Variants in CATSPERD observed in about 807,000 individuals in gnomAD.
The protein encoded by CATSPERD is cation channel sperm-associated auxiliary subunit delta.
CATSPERD carries 86 observed loss-of-function variants against 98.1 expected under a neutral mutation model. The observed-to-expected ratio is 0.88, with a 90% CI of 0.74 to 1.05. CATSPERD has a LOEUF of 1.05. Ranked by LOEUF, CATSPERD falls within the 50% of genes least tolerant of loss-of-function variation. The pLI is 0.00. For synonymous variants in CATSPERD, 394 were observed against 390.2 expected (o/e 1.01, Z -0.12); for missense variants, 995 against 1,005.7 (o/e 0.99, Z 0.14).
At chr19:5,776,355 G>A in intron 21 of CATSPERD, 40 bp downstream of exon 21, 1 of 1,604,978 alleles carries the variant, frequency 6.2e-7, no homozygotes, top group Non-Finnish European at 8.5e-7. Context: ...GGGACGCCTG[G>A]TGCCCCTGGG....
rs1599537537 is a variant in CATSPERD at position 5,742,191 on chromosome 19, T to G, written c.574-2236T>G. Among the ~76,000 whole-genome samples the G allele has an allele frequency of 2.7e-5, 4 of 149,382 alleles. No homozygotes were observed. The South Asian group carries it at 8.5e-4, about 32-fold the overall frequency. On this transcript the variant is annotated intron_variant, in intron 7 of 21. Coordinates refer to ENST00000381624, the MANE Select transcript of CATSPERD (RefSeq NM_152784.4). ...GCGTGTGTGTATGTATGTGAACGTG[T>G]GTGCGTGTACATGTGTGCATGTGTG...
At chr19:5,760,472 T>A (rs62107436) in intron 15 of CATSPERD, among the ~76,000 whole-genome samples, 17,133 of 150,152 alleles carry the variant, frequency 0.11, 1,010 homozygotes, top group East Asian at 0.17. Flanking sequence ...GACAACATGC[T>A]CAGTGCAATA....
chr19:5,727,634 T>C (rs2055630040), intron 3 of CATSPERD, among the ~76,000 whole-genome samples: 1 of 151,708 alleles, frequency 6.6e-6, no homozygotes, highest in South Asian at 2.1e-4. Flanking sequence ...CACTGGGGAG[T>C]TGATGACAAA....
At chr19:5,734,768 C>T (rs1321969216) in intron 5 of CATSPERD, among the ~76,000 whole-genome samples, 1 of 151,506 alleles carries the variant, frequency 6.6e-6, no homozygotes, top group Non-Finnish European at 1.5e-5. Flanking sequence ...GGCCACTGCA[C>T]CCCAGCCTGG....
intron 6 of CATSPERD, among the ~76,000 whole-genome samples, chr19:5,738,078 A>G (rs184069925): frequency 6.6e-6 from 1 of 152,058 alleles, no homozygotes; most frequent in Admixed American, 6.6e-5. Context: ...CACCCCACAC[A>G]GTTGAAAATC....
chr19:5,752,303 C>A (rs544983950), intron 12 of CATSPERD, among the ~76,000 whole-genome samples: 1 of 151,030 alleles, frequency 6.6e-6, no homozygotes, highest in Non-Finnish European at 1.5e-5. Context: ...AGCGAGACTT[C>A]GTCTCAAATA....
chr19:5,741,789 G>GGT lies in CATSPERD; in HGVS notation c.573+2351_573+2352insTG, dbSNP rs1555720201. ...AGCACTTTGGGATGCTGAAGGCGGG[G>GGT]GGGGGGGGGTGGTGTGGATCACTTG... On this transcript the variant is annotated intron_variant, in intron 7 of 21. Coordinates refer to ENST00000381624, the MANE Select transcript of CATSPERD (RefSeq NM_152784.4). Among the ~76,000 whole-genome samples, 3 of 101,522 alleles carry GGT rather than the reference G, an allele frequency of 3.0e-5. 1 individual carries two copies. Among genetic ancestry groups the GGT allele is most frequent in the Non-Finnish European group, 6.7e-5 (3 of 44,530 alleles). 66.6% of individuals were successfully genotyped at this position (101,522 alleles called of 152,430 possible).
At chr19:5,738,368 A>G (rs1599529114) in intron 6 of CATSPERD, among the ~76,000 whole-genome samples, 1 of 150,944 alleles carries the variant, frequency 6.6e-6, no homozygotes, top group Admixed American at 6.6e-5. Flanking sequence ...AAAAAAAAAA[A>G]AAGAAAAGAA....
intron 18 of CATSPERD, among the ~76,000 whole-genome samples, 199 bp downstream of exon 18, chr19:5,768,441 A>G (rs550411775): frequency 1.3e-5 from 2 of 151,836 alleles, no homozygotes; most frequent in South Asian, 4.2e-4. Context: ...GGTTCACACC[A>G]TTCTCCCGCC....
In CATSPERD at chr19:5,754,120, CT is replaced by C; in HGVS notation, c.1165-7del. 5 of 1,556,144 alleles carry C rather than the reference CT, an allele frequency of 3.2e-6. No homozygotes were observed. The highest frequency in any genetic ancestry group is 4.4e-6 in the Non-Finnish European group (5 of 1,127,314). On this transcript the variant is annotated splice_polypyrimidine_tract_variant and intron_variant, in intron 12 of 21. Transcript: ENST00000381624. ...GAGCATGATTATCTTTCTTCTTCGC[CT>C]TTTTAACTAGATAGAGTTTCTGACA...
intron 18 of CATSPERD, among the ~76,000 whole-genome samples, chr19:5,769,118 C>T (rs2056598951): frequency 6.6e-6 from 1 of 151,124 alleles, no homozygotes; most frequent in Non-Finnish European, 1.5e-5. Flanking sequence ...TGAGCCACTG[C>T]ACTCCAGACT....
intron 11 of CATSPERD, among the ~76,000 whole-genome samples, chr19:5,750,256 G>A (rs1457273279): frequency 6.7e-6 from 1 of 148,994 alleles, no homozygotes; most frequent in South Asian, 2.1e-4. Context: ...TGACCATCCT[G>A]GCTAACACGG....
Position 5,720,761 on chromosome 19 carries a change from G to C in CATSPERD, c.24G>C (p.Ala8=), listed in dbSNP as rs751132628. MLMLMLV[A]AVTMWLRPLV... is the part of the protein sequence containing the mutation. Reference sequence around the variant, plus strand: ...CGATGCTGATGTTGATGCTGGTGGCGGCTGTGACCATGTGGCTCCGACCGC... The same window carrying C: ...CGATGCTGATGTTGATGCTGGTGGCCGCTGTGACCATGTGGCTCCGACCGC... Residue 8 remains alanine, a synonymous_variant, in exon 1 of 22, where the codon GCG becomes GCC. Coordinates refer to ENST00000381624, the MANE Select transcript of CATSPERD (RefSeq NM_152784.4). 4 of 1,605,326 alleles carry C rather than the reference G, an allele frequency of 2.5e-6. No individual in the cohort carries two copies. The Admixed American group carries it at 5.0e-5, about 20-fold the overall frequency.
chr19:5,746,369 CCAGT>C (rs2056093867), intron 9 of CATSPERD, among the ~76,000 whole-genome samples: 1 of 152,138 alleles, frequency 6.6e-6, no homozygotes, highest in African/African-American at 2.4e-5. Flanking sequence ...GGGAAAAACG[CCAGT>C]CAGACAACTC....
chr19:5,750,610 G>C (rs1323869755), intron 11 of CATSPERD, among the ~76,000 whole-genome samples: 1 of 151,282 alleles, frequency 6.6e-6, no homozygotes, highest in Non-Finnish European at 1.5e-5. Context: ...GCATGGTGGT[G>C]CATGCCTGTA....
At chr19:5,725,929 A>T (rs928636302) in intron 2 of CATSPERD, among the ~76,000 whole-genome samples, 1 of 152,106 alleles carries the variant, frequency 6.6e-6, no homozygotes, top group Non-Finnish European at 1.5e-5. Context: ...AGCATTTTGA[A>T]ACAATCTTCA....
At chr19:5,758,531 C>A (rs1425635363) in intron 14 of CATSPERD, among the ~76,000 whole-genome samples, 2 of 148,504 alleles carry the variant, frequency 1.3e-5, no homozygotes, top group Non-Finnish European at 3.0e-5. Context: ...AGTTTGAGAC[C>A]AGCCTGGCCA....
intron 13 of CATSPERD, among the ~76,000 whole-genome samples, chr19:5,754,914 G>A (rs1325111823): frequency 6.7e-6 from 1 of 149,056 alleles, no homozygotes; most frequent in Non-Finnish European, 1.5e-5. Context: ...GCACGATCTC[G>A]GCTCACTGTA....
chr19:5,775,327 C>T (rs1046371866), intron 20 of CATSPERD: 6 of 469,028 alleles, frequency 1.3e-5, no homozygotes, highest in Middle Eastern at 3.3e-4. Flanking sequence ...CACAGACCTG[C>T]GTATTTATTG....
Sources: allele counts gnomAD v4.1 joint callset (sites outside exome capture counted in the v4.1 genomes callset), GRCh38; gene constraint gnomAD v4.1.1; transcripts MANE v1.5; gene names NCBI Gene and HGNC (gene_info 2026-07-23, HGNC 2026-07-21).